Variants in AVEN observed in about 807,000 individuals in gnomAD.
AVEN encodes apoptosis and caspase activation inhibitor.
A neutral mutation model predicts 38.1 loss-of-function variants in AVEN; 41 were observed. That is an observed-to-expected ratio of 1.08 (90% CI 0.84 to 1.40). The LOEUF is 1.40. Among genes scored for constraint, AVEN ranks in the 40% most tolerant of loss-of-function variants. The pLI is 0.00. For missense variants in AVEN, 605 were observed against 438.8 expected, an observed-to-expected ratio of 1.38 and a Z score of -3.38; for synonymous variants, 206 against 171.8, an observed-to-expected ratio of 1.20 and a Z score of -1.56.
At position 34,063,358 on chromosome 15, in the gene AVEN, G is replaced by A. The variant is rs773138215; in HGVS notation, n.1201C>T. On this transcript the variant is annotated non_coding_transcript_exon_variant, in exon 5 of 12. Transcript: ENST00000675287. The surrounding 1 kb of genome is among the most constrained non-coding windows in gnomAD (Gnocchi z 4.1). Reference sequence around the variant, plus strand: ...GTTTCTGTCATGACCATCCTCTACTGTCGAATCTACCGGGAAACAGAGAAG... The same window carrying A: ...GTTTCTGTCATGACCATCCTCTACTATCGAATCTACCGGGAAACAGAGAAG... The A allele has an allele frequency of 1.9e-6, 3 of 1,614,086 alleles. No individual in the cohort carries two copies. The highest frequency in any genetic ancestry group is 4.5e-5 in the East Asian group (2 of 44,880).
At chr15:34,013,489 A>C (rs1312070122) in intron 1 of AVEN, among the ~76,000 whole-genome samples, 1 of 152,230 alleles carries the variant, frequency 6.6e-6, no homozygotes, top group Non-Finnish European at 1.5e-5. Context: ...CAATATGTCC[A>C]CAGAGAGCTA....
At chr15:33,905,349 G>C (rs1892660141) in intron 2 of AVEN, among the ~76,000 whole-genome samples, 2 of 152,026 alleles carry the variant, frequency 1.3e-5, no homozygotes. Context: ...GAAAAATAAG[G>C]ATAATAACAC....
downstream of AVEN, among the ~76,000 whole-genome samples, chr15:33,863,115 G>C (rs1379148340): frequency 6.6e-6 from 1 of 152,116 alleles, no homozygotes; most frequent in Non-Finnish European, 1.5e-5. Context: ...CCATGGCACT[G>C]TTACACTGGT....
intron 1 of AVEN, among the ~76,000 whole-genome samples, chr15:34,017,473 A>ATTTTT (rs200988059): frequency 1.6e-4 from 16 of 101,474 alleles, no homozygotes; most frequent in Non-Finnish European, 2.2e-4. Flanking sequence ...TTTCAGTATG[A>ATTTTT]TTTTTTTTTT....
intron 2 of AVEN, among the ~76,000 whole-genome samples, chr15:33,901,308 T>C (rs591423): frequency 0.87 from 132,775 of 152,226 alleles, 59,768 homozygotes; most frequent in Non-Finnish European, 0.98. Flanking sequence ...TTTCAAAAGG[T>C]ATCATGCCAA....
At chr15:34,035,581 T>G (rs756358190) in intron 1 of AVEN, among the ~76,000 whole-genome samples, 1 of 152,100 alleles carries the variant, frequency 6.6e-6, no homozygotes, top group Non-Finnish European at 1.5e-5. Flanking sequence ...CTCCTAACTG[T>G]GAGTTATTTA....
chr15:33,917,351 G>GGT (rs148147589), intron 2 of AVEN, among the ~76,000 whole-genome samples: 3,854 of 140,294 alleles, frequency 0.027, 85 homozygotes, highest in South Asian at 0.13. Context: ...AAGAAAATGT[G>GGT]GTGTGTGTGT....
At chr15:33,915,545 C>T (rs909695081) in intron 2 of AVEN, among the ~76,000 whole-genome samples, 1 of 152,214 alleles carries the variant, frequency 6.6e-6, no homozygotes, top group Non-Finnish European at 1.5e-5. Flanking sequence ...AAAGCCATTT[C>T]TGACTGTCTC....
At chr15:34,073,648 G>A (rs765519941) in intron 1 of AVEN, among the ~76,000 whole-genome samples, 4 of 151,390 alleles carry the variant, frequency 2.6e-5, no homozygotes, top group African/African-American at 9.7e-5. Context: ...AGCCTCCCGA[G>A]TAGCTGGGAT....
intron 2 of AVEN, among the ~76,000 whole-genome samples, chr15:33,932,989 C>T (rs1365177851): frequency 6.8e-6 from 1 of 146,556 alleles, no homozygotes; most frequent in African/African-American, 2.5e-5. Context: ...TTTCATGAAT[C>T]TTTTGTTTCT....
intron 2 of AVEN, among the ~76,000 whole-genome samples, chr15:33,941,194 C>T (rs893293460): frequency 6.6e-6 from 1 of 152,074 alleles, no homozygotes; most frequent in Non-Finnish European, 1.5e-5. Flanking sequence ...TTACTAATAC[C>T]CTATAAAACT....
intron 1 of AVEN, chr15:34,007,124 A>G (rs1170926938): frequency 3.5e-6 from 3 of 845,968 alleles, no homozygotes; most frequent in Non-Finnish European, 2.8e-6. Flanking sequence ...GACCTATTAT[A>G]TAATCAAACT....
chr15:33,968,123 A>AAAAAAAAAAAAAT, intron 2 of AVEN, among the ~76,000 whole-genome samples: 1 of 145,988 alleles, frequency 6.8e-6, no homozygotes, highest in Non-Finnish European at 1.5e-5. Context: ...AAAAAAAAAA[A>AAAAAAAAAAAAAT]AAGCTTCTAG....
At chr15:33,865,313 A>C (rs1248734513), downstream of AVEN, 94 of 887,252 alleles carry the variant, frequency 1.1e-4, no homozygotes, top group Non-Finnish European at 2.5e-5. Flanking sequence ...ACATATCTGA[A>C]ATGTGACATT....
intron 2 of AVEN, among the ~76,000 whole-genome samples, chr15:33,878,699 T>A (rs1203802602): frequency 6.6e-6 from 1 of 151,922 alleles, no homozygotes. Context: ...TGGCAAAGAA[T>A]ACGTATTAAT....
At chr15:33,987,313 C>G (rs965532148) in intron 2 of AVEN, among the ~76,000 whole-genome samples, 1 of 152,056 alleles carries the variant, frequency 6.6e-6, no homozygotes, top group African/African-American at 2.4e-5. Context: ...ATTTGATAAA[C>G]TAAGATCAAA....
chr15:33,907,402 A>G (rs1892746121), intron 2 of AVEN, among the ~76,000 whole-genome samples: 1 of 152,134 alleles, frequency 6.6e-6, no homozygotes, highest in Non-Finnish European at 1.5e-5. Flanking sequence ...AACATCAGTC[A>G]TTTTGCTTCC....
downstream of AVEN, chr15:33,854,748 G>A (rs548890968): frequency 7.6e-6 from 12 of 1,586,930 alleles, no homozygotes; most frequent in African/African-American, 6.8e-5. Flanking sequence ...TTAAAAGTCT[G>A]CTTTCTTCCA....
chr15:33,857,669 C>T (rs886119758), downstream of AVEN: 22 of 1,383,522 alleles, frequency 1.6e-5, 1 homozygote, highest in Middle Eastern at 3.7e-4. Context: ...TCCCCATTTC[C>T]TCTCCTTGCC....
Sources: allele counts gnomAD v4.1 joint callset (sites outside exome capture counted in the v4.1 genomes callset), GRCh38; gene constraint gnomAD v4.1.1; non-coding constraint Gnocchi (gnomAD v3.1); transcripts MANE v1.5; gene names NCBI Gene and HGNC (gene_info 2026-07-23, HGNC 2026-07-21).